RAP1GAP2: variants seen among roughly 807,000 people sequenced by gnomAD.
RAP1GAP2 encodes the protein rap1 GTPase-activating protein 2.
A neutral mutation model predicts 95.0 loss-of-function variants in RAP1GAP2; 27 were observed. The observed-to-expected ratio is 0.28, with a 90% confidence interval of 0.21 to 0.39. The LOEUF is 0.39. Among genes scored for constraint, RAP1GAP2 ranks in the 10% least tolerant of loss-of-function variants. The probability of loss-of-function intolerance (pLI) is 1.00; values close to 1 mark genes in which losing one functional copy is unlikely to be tolerated. For missense variants in RAP1GAP2, 771 were observed against 970.0 expected (o/e 0.79, Z 2.72); for synonymous variants, 373 against 380.9 (o/e 0.98, Z 0.24).
At chr17:2,962,486 T>C (rs1227290980) in intron 4 of RAP1GAP2, 184 bp from the exon 5 acceptor site, 2 of 595,534 alleles carry the variant, frequency 3.4e-6, no homozygotes. Context: ...CCAGCGGCGC[T>C]GTTGCCTCAC....
intron 3 of RAP1GAP2, among the ~76,000 whole-genome samples, chr17:2,945,452 C>T (rs2043667158): frequency 2.0e-5 from 3 of 152,052 alleles, no homozygotes; most frequent in Admixed American, 2.0e-4. Context: ...TTTACTGTTT[C>T]CTTTCCGTGG....
At chr17:2,962,756 A>AG (rs1427072014) in intron 5 of RAP1GAP2, 42 bp downstream of exon 5, 1 of 1,537,156 alleles carries the variant, frequency 6.5e-7, no homozygotes, top group Middle Eastern at 2.3e-4. Flanking sequence ...GGCCCTGGTG[A>AG]GGGGCTAGGG....
Position 2,965,753 on chromosome 17 carries a change from G to A in RAP1GAP2, c.596+110G>A. 2.4e-6 allele frequency: 2 copies of A among 828,936 alleles called. No individual in the cohort carries two copies. The highest frequency in any genetic ancestry group is 3.9e-6 in the Non-Finnish European group (2 of 518,722). The allele number at this position is 828,936 out of a possible 1,614,324, so 51.3% of individuals were successfully genotyped here. A position where few individuals can be genotyped will look rare whatever the true frequency, so the allele number is the denominator to read the frequency against. Reference sequence around the variant, plus strand: ...ATACCAGACTGACCAGTCTGGTCTGGGTGCACTGGCTGACGGGGACAGGCC... The same window carrying A: ...ATACCAGACTGACCAGTCTGGTCTGAGTGCACTGGCTGACGGGGACAGGCC... On this transcript the variant is annotated intron_variant, in intron 8 of 24. Transcript: ENST00000254695. The surrounding 1 kb of genome is among the most constrained non-coding windows in gnomAD (Gnocchi z 4.7).
intron 2 of RAP1GAP2, among the ~76,000 whole-genome samples, chr17:2,830,025 C>T (rs1443794956): frequency 1.3e-5 from 2 of 152,060 alleles, no homozygotes; most frequent in African/African-American, 4.8e-5. Flanking sequence ...GGTGAGAACA[C>T]ATAACATGAA....
In RAP1GAP2 at chr17:2,866,703, G is replaced by A. The variant is rs1446981445; in HGVS notation, c.81-38581G>A. ...CAGCCTCCGCCTCCCGGGTTCAAGC[G>A]ATTCTCCTGTCTCAGCCTCCCGAGT... On this transcript the variant is annotated intron_variant, in intron 2 of 24. Coordinates refer to ENST00000254695, the MANE Select transcript of RAP1GAP2 (RefSeq NM_015085.5). The surrounding 1 kb of genome is among the most constrained non-coding windows in gnomAD (Gnocchi z 4.0). Among the ~76,000 whole-genome samples, 2 of 152,020 alleles carry A rather than the reference G, an allele frequency of 1.3e-5. No individual in the cohort carries two copies. The highest frequency in any genetic ancestry group is 1.9e-4 in the East Asian group (1 of 5,166).
At chr17:2,832,845 A>G (rs556053457) in intron 2 of RAP1GAP2, among the ~76,000 whole-genome samples, 4 of 150,480 alleles carry the variant, frequency 2.7e-5, no homozygotes, top group East Asian at 4.1e-4. Context: ...GCGTGGTGGC[A>G]CTTGCGTGTA....
intron 3 of RAP1GAP2, among the ~76,000 whole-genome samples, chr17:2,922,800 A>G (rs1425632692): frequency 6.6e-6 from 1 of 151,916 alleles, no homozygotes; most frequent in Admixed American, 6.6e-5. Flanking sequence ...GGCAATGAAC[A>G]AAAAAGTGCC....
At chr17:2,780,114 G>A (rs112233375) in intron 1 of RAP1GAP2, among the ~76,000 whole-genome samples, 7,687 of 152,226 alleles carry the variant, frequency 0.05, 637 homozygotes, top group African/African-American at 0.17. Context: ...GCAGTGGCGC[G>A]ATCTCGGCTC....
chr17:2,792,228 T>C (rs2068944009), upstream of RAP1GAP2, among the ~76,000 whole-genome samples: 1 of 152,182 alleles, frequency 6.6e-6, no homozygotes, highest in Non-Finnish European at 1.5e-5. Context: ...GCACGGCACA[T>C]GGAAGAGGAA....
At chr17:2,873,617 T>C (rs1394929604) in intron 2 of RAP1GAP2, among the ~76,000 whole-genome samples, 2 of 151,728 alleles carry the variant, frequency 1.3e-5, no homozygotes, top group African/African-American at 4.8e-5. Flanking sequence ...AATTTTGGCG[T>C]TTGAGCCCTG....
chr17:2,998,433 G>A, intron 14 of RAP1GAP2, 57 bp downstream of exon 14: 1 of 1,574,222 alleles, frequency 6.4e-7, no homozygotes, highest in Non-Finnish European at 8.7e-7. Flanking sequence ...ACCCTGTGTG[G>A]ATGCTGTGAT....
intron 18 of RAP1GAP2, among the ~76,000 whole-genome samples, chr17:3,018,705 A>G (rs1053293503): frequency 2.0e-5 from 3 of 152,132 alleles, no homozygotes; most frequent in Non-Finnish European, 4.4e-5. Flanking sequence ...TCCTGTTCCC[A>G]TTTGAGGAAA....
intron 3 of RAP1GAP2, among the ~76,000 whole-genome samples, chr17:2,956,564 C>T (rs1029921973): frequency 2.6e-5 from 4 of 152,236 alleles, no homozygotes; most frequent in African/African-American, 9.6e-5. Context: ...TTTCTTTTCT[C>T]TCGTCTTCAC....
chr17:2,998,110 A>T, intron 13 of RAP1GAP2, 111 bp from the exon 14 acceptor site: 2 of 1,226,852 alleles, frequency 1.6e-6, no homozygotes, highest in Non-Finnish European at 2.3e-6. Flanking sequence ...AACTCTTCTC[A>T]CTCAGAATTC....
chr17:2,839,192 G>A (rs2071269396), intron 2 of RAP1GAP2, among the ~76,000 whole-genome samples: 1 of 151,856 alleles, frequency 6.6e-6, no homozygotes, highest in Admixed American at 6.6e-5. Flanking sequence ...AATCCCAGCT[G>A]CTCGGGAGGC....
chr17:2,829,631 A>C lies in RAP1GAP2; in HGVS notation c.80+29081A>C, dbSNP rs963861348. On this transcript the variant is annotated intron_variant, in intron 2 of 24. Transcript: ENST00000254695. Reference sequence around the variant, plus strand: ...TGTTATGAAAGAGTCATTTTTGTCAACAGAAGTACGCTTCTGCCCTATACT... The same window carrying C: ...TGTTATGAAAGAGTCATTTTTGTCACCAGAAGTACGCTTCTGCCCTATACT... Among the ~76,000 whole-genome samples the C allele has an allele frequency of 6.6e-5, 10 of 152,184 alleles. No individual in the cohort carries two copies. The South Asian group carries it at 1.2e-3, about 19-fold the overall frequency.
At chr17:2,930,924 G>C (rs934348108) in intron 3 of RAP1GAP2, among the ~76,000 whole-genome samples, 1 of 152,134 alleles carries the variant, frequency 6.6e-6, no homozygotes, top group Non-Finnish European at 1.5e-5. Flanking sequence ...AGGAGTTTGA[G>C]ACCAGCCTGG....
rs2042080563 is a variant in RAP1GAP2 at position 2,903,153 on chromosome 17, TG to T, written c.81-2130del. Among the ~76,000 whole-genome samples, 1 of 152,142 alleles carries T rather than the reference TG, an allele frequency of 6.6e-6. No homozygotes were observed. The highest frequency in any genetic ancestry group is 2.4e-5 in the African/African-American group (1 of 41,434). Reference sequence around the variant, plus strand: ...CTTCCCCTCCCTGCGTGCTTTTCCTTGCTGGGCTCCTAGCCTTACAGGGGAG... The same window carrying T: ...CTTCCCCTCCCTGCGTGCTTTTCCTTCTGGGCTCCTAGCCTTACAGGGGAG... On this transcript the variant is annotated intron_variant, in intron 2 of 24. Coordinates refer to ENST00000254695, the MANE Select transcript of RAP1GAP2 (RefSeq NM_015085.5). This position sits in a 1 kb window ranked among gnomAD's most constrained non-coding sequence, Gnocchi z 4.1.
chr17:2,772,567 T>A (rs1428749746), upstream of RAP1GAP2, among the ~76,000 whole-genome samples: 1 of 152,136 alleles, frequency 6.6e-6, no homozygotes, highest in African/African-American at 2.4e-5. Flanking sequence ...GGTGCTGAGA[T>A]GACAGACGTG....
Sources: gnomAD v4.1 joint callset for allele counts (sites outside exome capture counted in the v4.1 genomes callset) on GRCh38, gnomAD v4.1.1 for gene constraint, Gnocchi (gnomAD v3.1) non-coding constraint, MANE v1.5 for transcripts, NCBI Gene and HGNC (gene_info 2026-07-23, HGNC 2026-07-21) for gene names.